The following SYTL3 variants were observed in gnomAD, a reference collection of about 807,000 sequenced individuals.
SYTL3 encodes the protein synaptotagmin-like protein 3.
A neutral mutation model predicts 82.1 loss-of-function variants in SYTL3; 88 were observed. The observed-to-expected ratio is 1.07, with a 90% confidence interval of 0.90 to 1.28. SYTL3 has a LOEUF of 1.28. Ranked by LOEUF, SYTL3 falls within the 50% of genes most tolerant of loss-of-function variation. The pLI is 0.00. For synonymous variants in SYTL3, 311 were observed against 289.4 expected, an observed-to-expected ratio of 1.07 and a Z score of -0.76; for missense variants, 831 against 757.6, an observed-to-expected ratio of 1.10 and a Z score of -1.14.
At chr6:158,709,440 T>G (rs1339508641) in intron 8 of SYTL3, among the ~76,000 whole-genome samples, 1 of 152,168 alleles carries the variant, frequency 6.6e-6, no homozygotes, top group Non-Finnish European at 1.5e-5. Flanking sequence ...GAATATATAT[T>G]GCTTTCACAC....
At position 158,709,809 on chromosome 6, in the gene SYTL3, G is replaced by A. The variant is rs555559613; in HGVS notation, c.516+1418G>A. 2.0e-5 allele frequency among the ~76,000 whole-genome samples: 3 copies of A among 152,146 alleles called. No homozygotes were observed. In the East Asian group the frequency reaches 5.8e-4, roughly 29 times the overall value. On this transcript the variant is annotated intron_variant, in intron 8 of 17. Coordinates refer to ENST00000611299, the MANE Select transcript of SYTL3 (RefSeq NM_001242394.2). Reference sequence around the variant, plus strand: ...AGAAATTTATTTAAAAAATTTAAAGGGGATTTGAGAAACATGTAAAAACAT... The same window carrying A: ...AGAAATTTATTTAAAAAATTTAAAGAGGATTTGAGAAACATGTAAAAACAT...
chr6:158,694,417 G>C (rs6913478), intron 6 of SYTL3, among the ~76,000 whole-genome samples: 99,950 of 151,854 alleles, frequency 0.66, 35,171 homozygotes, highest in African/African-American at 0.91. Context: ...CTCTCAGCCT[G>C]CCAAGTAACT....
At chr6:158,736,513 A>G (rs1348734928) in intron 11 of SYTL3, among the ~76,000 whole-genome samples, 1 of 151,944 alleles carries the variant, frequency 6.6e-6, no homozygotes, top group Non-Finnish European at 1.5e-5. Flanking sequence ...CATTGGCTGG[A>G]TGCAGTAGCT....
At chr6:158,693,907 G>T (rs1422229187) in intron 6 of SYTL3, among the ~76,000 whole-genome samples, 5 of 134,708 alleles carry the variant, frequency 3.7e-5, no homozygotes, top group African/African-American at 1.5e-4. Flanking sequence ...TGCCCAGGCT[G>T]GTCTCGAACT....
intron 8 of SYTL3, among the ~76,000 whole-genome samples, chr6:158,711,424 C>T (rs751871331): frequency 6.6e-5 from 10 of 152,070 alleles, no homozygotes; most frequent in South Asian, 2.1e-4. Flanking sequence ...CTCACGTGAT[C>T]ACGGCAGCTG....
chr6:158,679,902 G>A (rs560991701), intron 5 of SYTL3, among the ~76,000 whole-genome samples: 1 of 152,206 alleles, frequency 6.6e-6, no homozygotes, highest in African/African-American at 2.4e-5. Context: ...ACTTATCGAT[G>A]TTGTCCCCCT....
At chr6:158,654,282 G>T (rs1178452265) in intron 2 of SYTL3, among the ~76,000 whole-genome samples, 1 of 152,112 alleles carries the variant, frequency 6.6e-6, no homozygotes, top group East Asian at 1.9e-4. Context: ...GCTGGGATGG[G>T]TCCTTCTTAA....
At chr6:158,754,496 G>C (rs571113920) in intron 13 of SYTL3, among the ~76,000 whole-genome samples, 1 of 152,156 alleles carries the variant, frequency 6.6e-6, no homozygotes, top group Non-Finnish European at 1.5e-5. Flanking sequence ...CGAGGCAGGC[G>C]GATCATGAGG....
chr6:158,649,491 T>C (rs903783881), upstream of SYTL3, among the ~76,000 whole-genome samples: 13 of 152,258 alleles, frequency 8.5e-5, no homozygotes, highest in Admixed American at 3.9e-4. Flanking sequence ...CATTGTCTTA[T>C]TGCTCTCCAG....
intron 10 of SYTL3, among the ~76,000 whole-genome samples, chr6:158,722,166 T>C (rs190715562): frequency 1.5e-4 from 23 of 152,100 alleles, no homozygotes; most frequent in African/African-American, 5.3e-4. Flanking sequence ...TTTGTTTGTT[T>C]GTTTGTTTTT....
At chr6:158,755,779 G>A (rs932741105) in intron 13 of SYTL3, among the ~76,000 whole-genome samples, 6 of 152,292 alleles carry the variant, frequency 3.9e-5, no homozygotes, top group East Asian at 1.9e-4. Context: ...AGCAACAGCC[G>A]TGTCACGAGG....
chr6:158,701,188 G>A (rs1781190542), intron 6 of SYTL3, among the ~76,000 whole-genome samples: 1 of 141,980 alleles, frequency 7.0e-6, no homozygotes, highest in African/African-American at 2.7e-5. Context: ...GAGCTGGGGT[G>A]TAGATGAAGG....
chr6:158,679,474 T>C (rs904495349), intron 5 of SYTL3, among the ~76,000 whole-genome samples: 16 of 152,190 alleles, frequency 1.1e-4, no homozygotes, highest in South Asian at 4.1e-4. Context: ...GAAAGGGTAA[T>C]GGACACCCGG....
At chr6:158,721,088 G>C (rs1310971382) in intron 10 of SYTL3, among the ~76,000 whole-genome samples, 2 of 152,172 alleles carry the variant, frequency 1.3e-5, no homozygotes, top group African/African-American at 4.8e-5. Flanking sequence ...AGACAGTGGG[G>C]AGAGAGCCAA....
chr6:158,760,004 C>G (rs533745172), intron 14 of SYTL3, among the ~76,000 whole-genome samples: 1 of 152,254 alleles, frequency 6.6e-6, no homozygotes, highest in South Asian at 2.1e-4. Flanking sequence ...ACACCCTGCT[C>G]TAGACTCTTC....
intron 16 of SYTL3, 141 bp downstream of exon 16, chr6:158,762,319 T>G (rs9347251): frequency 1.6e-6 from 1 of 614,072 alleles, no homozygotes; most frequent in African/African-American, 1.9e-5. Flanking sequence ...TAACAACACA[T>G]ATTAAAGACC....
chr6:158,751,638 C>T (rs1350715851), intron 12 of SYTL3, among the ~76,000 whole-genome samples: 4 of 152,128 alleles, frequency 2.6e-5, no homozygotes, highest in Admixed American at 6.5e-5. Context: ...CCATGGTCTT[C>T]GCCAAATGGA....
At chr6:158,652,360 T>C (rs1455633882) in intron 2 of SYTL3, among the ~76,000 whole-genome samples, 1 of 152,148 alleles carries the variant, frequency 6.6e-6, no homozygotes, top group Non-Finnish European at 1.5e-5. Flanking sequence ...ACCATTCTCC[T>C]GCCTCAGCCT....
intron 9 of SYTL3, among the ~76,000 whole-genome samples, chr6:158,716,122 G>T (rs1329387714): frequency 1.3e-5 from 2 of 152,238 alleles, no homozygotes; most frequent in East Asian, 3.9e-4. Context: ...AGTGGCTGCA[G>T]CTCTGTCTAT....
Sources: allele counts gnomAD v4.1 joint callset (sites outside exome capture counted in the v4.1 genomes callset), GRCh38; gene constraint gnomAD v4.1.1; transcripts MANE v1.5; gene names NCBI Gene and HGNC (gene_info 2026-07-23, HGNC 2026-07-21).